Variants in FGF14 observed in about 807,000 individuals in gnomAD.
FGF14 encodes the protein fibroblast growth factor homologous factor 4.
A neutral mutation model predicts 25.5 loss-of-function variants in FGF14; 5 were observed. The ratio of observed to expected loss-of-function variants is 0.20; its 90% CI spans 0.10 to 0.41. The LOEUF (loss-of-function observed/expected upper bound fraction) is 0.41, where lower values mean the gene tolerates loss of function less well. Ranked by LOEUF, FGF14 falls within the 10% of genes least tolerant of loss-of-function variation. The probability of loss-of-function intolerance (pLI) is 1.00; values close to 1 mark genes in which losing one functional copy is unlikely to be tolerated. For synonymous variants in FGF14, 138 were observed against 118.3 expected, an observed-to-expected ratio of 1.17 and a Z score of -1.08; for missense variants, 222 against 320.1, an observed-to-expected ratio of 0.69 and a Z score of 2.34.
chr13:102,291,144 G>C (rs1256300222), intron 1 of FGF14, among the ~76,000 whole-genome samples: 1 of 152,172 alleles, frequency 6.6e-6, no homozygotes, highest in Non-Finnish European at 1.5e-5. Context: ...TTGCTAAAAA[G>C]CATGACTGAT....
At chr13:102,068,868 C>T (rs960558008) in intron 1 of FGF14, among the ~76,000 whole-genome samples, 13 of 152,328 alleles carry the variant, frequency 8.5e-5, no homozygotes, top group South Asian at 4.1e-4. Flanking sequence ...GAGCACAGGG[C>T]GTGGGCTGGC....
At chr13:101,911,475 A>C (rs2032925337) in intron 1 of FGF14, among the ~76,000 whole-genome samples, 1 of 152,156 alleles carries the variant, frequency 6.6e-6, no homozygotes, top group South Asian at 2.1e-4. Context: ...CTGTTACACT[A>C]TTTTACACTT....
Position 101,722,423 on chromosome 13 carries a change from CAAT to C in FGF14, c.*405_*407del. 1 of 297,150 alleles carries C rather than the reference CAAT, an allele frequency of 3.4e-6. No individual in the cohort carries two copies. The highest frequency in any genetic ancestry group is 6.6e-6 in the Non-Finnish European group (1 of 152,652). 18.4% of individuals were successfully genotyped at this position (297,150 alleles called of 1,614,324 possible). A position where few individuals can be genotyped will look rare whatever the true frequency, so the allele number is the denominator to read the frequency against. On this transcript the variant is annotated 3_prime_UTR_variant, in exon 5 of 5. Transcript: ENST00000376143. ...TTACAGCGTCTAACTAGAAATTACT[CAAT>C]ATTATTTGTGTGCTACAAAATTGAA...
intron 1 of FGF14, among the ~76,000 whole-genome samples, chr13:101,903,627 T>C (rs2031860617): frequency 2.0e-5 from 3 of 152,016 alleles, no homozygotes; most frequent in South Asian, 2.1e-4. Context: ...AGGGTGACTA[T>C]AGGGAAGGAG....
chr13:102,197,854 GC>G (rs1457709533), intron 1 of FGF14, among the ~76,000 whole-genome samples: 1 of 152,104 alleles, frequency 6.6e-6, no homozygotes, highest in Non-Finnish European at 1.5e-5. Flanking sequence ...ACACAGAAAA[GC>G]CTCACGGTAC....
At chr13:102,162,558 G>C (rs538219391) in intron 1 of FGF14, among the ~76,000 whole-genome samples, 4 of 152,156 alleles carry the variant, frequency 2.6e-5, no homozygotes, top group Admixed American at 6.6e-5. Context: ...AGGGCCTAAA[G>C]TATCAAGTTT....
chr13:102,252,201 C>G (rs1218026771), intron 1 of FGF14, among the ~76,000 whole-genome samples: 1 of 152,198 alleles, frequency 6.6e-6, no homozygotes, highest in Non-Finnish European at 1.5e-5. Context: ...CAGGACACAT[C>G]CTAAGGGTTG....
chr13:102,167,312 CAAAA>C (rs10689114), intron 1 of FGF14, among the ~76,000 whole-genome samples: 3 of 72,752 alleles, frequency 4.1e-5, no homozygotes, highest in East Asian at 4.2e-4. Flanking sequence ...CACTCCATCT[CAAAA>C]AAAAAAAAAA....
rs533635060 is a variant in FGF14, at chr13:101,827,583, G to T, written c.408+41142C>A. Among the ~76,000 whole-genome samples the T allele has an allele frequency of 3.9e-5, 6 of 151,930 alleles. No individual in the cohort carries two copies. The South Asian group carries it at 1.2e-3, about 32-fold the overall frequency. On this transcript the variant is annotated intron_variant, in intron 3 of 4. Transcript: ENST00000376143. ...AGATATATATAAAATACCTGTGAAA[G>T]TATGTGCTAAAATTCATTACTTCAA...
intron 1 of FGF14, among the ~76,000 whole-genome samples, chr13:102,128,856 G>C (rs930559848): frequency 1.3e-5 from 2 of 152,162 alleles, no homozygotes; most frequent in African/African-American, 4.8e-5. Flanking sequence ...GCTAAGGCAG[G>C]CGGATCACTT....
At position 101,882,929 on chromosome 13, in the gene FGF14, A is replaced by AT. The variant is rs367922449; in HGVS notation, c.194-7634dup. 7.8e-3 allele frequency among the ~76,000 whole-genome samples: 1,177 copies of AT among 150,718 alleles called. 9 individuals carry two copies. The highest frequency in any genetic ancestry group is 0.013 in the Admixed American group (202 of 15,116). On this transcript the variant is annotated intron_variant, in intron 1 of 4. Coordinates refer to ENST00000376143, the MANE Select transcript of FGF14 (RefSeq NM_004115.4). The stretch of plus-strand genomic sequence containing the variant: ...TCTGGGAGGAGATGGGAGTGATAAA[A>AT]TTTTTTTTTTATTAATAATCCTCTC...
intron 1 of FGF14, among the ~76,000 whole-genome samples, chr13:102,103,036 C>A (rs1002318408): frequency 2.6e-5 from 4 of 152,086 alleles, no homozygotes; most frequent in Non-Finnish European, 4.4e-5. Flanking sequence ...TCAAAAAGTC[C>A]ATTTTTTCAG....
intron 1 of FGF14, among the ~76,000 whole-genome samples, chr13:102,019,995 T>A (rs1296908823): frequency 6.6e-6 from 1 of 152,120 alleles, no homozygotes; most frequent in Non-Finnish European, 1.5e-5. Context: ...AACAAAAGCA[T>A]GAAAGACTGC....
At chr13:102,026,081 C>T (rs2040910395) in intron 1 of FGF14, among the ~76,000 whole-genome samples, 1 of 151,636 alleles carries the variant, frequency 6.6e-6, no homozygotes, top group Non-Finnish European at 1.5e-5. Context: ...TGTTGATGTG[C>T]TTTTTTTTGG....
chr13:102,189,678 T>A (rs1461789136), intron 1 of FGF14, among the ~76,000 whole-genome samples: 1 of 152,122 alleles, frequency 6.6e-6, no homozygotes, highest in Non-Finnish European at 1.5e-5. Context: ...ATTACTATAG[T>A]GGAATACCTG....
intron 1 of FGF14, among the ~76,000 whole-genome samples, chr13:102,232,239 T>C (rs2051116979): frequency 6.6e-6 from 1 of 152,138 alleles, no homozygotes; most frequent in Non-Finnish European, 1.5e-5. Context: ...TATTAGGTGA[T>C]TAAAAGTAGA....
chr13:101,926,306 G>C (rs1002868587), intron 1 of FGF14, among the ~76,000 whole-genome samples: 1 of 152,122 alleles, frequency 6.6e-6, no homozygotes, highest in Non-Finnish European at 1.5e-5. Flanking sequence ...TTAAATGAGA[G>C]TCCGGTTTCC....
At chr13:101,848,016 C>T (rs1373155680) in intron 3 of FGF14, among the ~76,000 whole-genome samples, 9 of 152,104 alleles carry the variant, frequency 5.9e-5, no homozygotes, top group Admixed American at 3.9e-4. Flanking sequence ...AAGCAGGGAA[C>T]TCTCATCTTT....
intron 1 of FGF14, among the ~76,000 whole-genome samples, chr13:102,377,780 C>A (rs1373144674): frequency 6.6e-6 from 1 of 152,188 alleles, no homozygotes; most frequent in South Asian, 2.1e-4. Context: ...TGCATTCCAG[C>A]CTGGGCAACA....
Sources: gnomAD v4.1 joint callset for allele counts (sites outside exome capture counted in the v4.1 genomes callset) on GRCh38, gnomAD v4.1.1 for gene constraint, MANE v1.5 for transcripts, NCBI Gene and HGNC (gene_info 2026-07-23, HGNC 2026-07-21) for gene names.